The following TTPA variants were observed in gnomAD, a reference collection of about 807,000 sequenced individuals.
TTPA encodes alpha-tocopherol transfer protein.
Under a neutral mutation model 25.9 loss-of-function variants are expected in TTPA, and 23 were observed. The ratio of observed to expected loss-of-function variants is 0.89; its 90% CI spans 0.64 to 1.26. TTPA has a LOEUF of 1.26. Ranked by LOEUF, TTPA falls within the 50% of genes most tolerant of loss-of-function variation. The probability of loss-of-function intolerance (pLI) is 0.00; values close to 1 mark genes in which losing one functional copy is unlikely to be tolerated. For synonymous variants in TTPA, 148 were observed against 137.3 expected, an observed-to-expected ratio of 1.08 and a Z score of -0.54; for missense variants, 337 against 353.1, an observed-to-expected ratio of 0.95 and a Z score of 0.37.
In TTPA at chr8:63,059,666, T is replaced by C. The variant is rs550204637; in HGVS notation, c.*1586A>G. On this transcript the variant is annotated 3_prime_UTR_variant, in exon 5 of 5. Coordinates refer to ENST00000260116, the MANE Select transcript of TTPA (RefSeq NM_000370.3). ...TATAAAATACTAAGTATAAAACTTATGTCATAAATTGAGGGCTATGTTGAA... is the reference window on the plus strand; with the variant it reads ...TATAAAATACTAAGTATAAAACTTACGTCATAAATTGAGGGCTATGTTGAA... The C allele has an allele frequency of 7.4e-4, 113 of 152,282 alleles. No individual in the cohort carries two copies. Among genetic ancestry groups the C allele is most frequent in the African/African-American group, 2.5e-3 (106 of 41,572 alleles). The allele number at this position is 152,282 out of a possible 1,614,324, so 9.4% of individuals were successfully genotyped here.
chr8:63,080,719 C>CAAAA (rs764937720), intron 1 of TTPA, among the ~76,000 whole-genome samples: 10 of 69,864 alleles, frequency 1.4e-4, no homozygotes, highest in African/African-American at 4.5e-4. Flanking sequence ...GACTCCGTAT[C>CAAAA]AAAAAAAAAA....
intron 1 of TTPA, among the ~76,000 whole-genome samples, chr8:63,085,195 C>T (rs1166724710): frequency 1.3e-5 from 2 of 152,202 alleles, no homozygotes; most frequent in Non-Finnish European, 2.9e-5. Context: ...ATCCCTCTTT[C>T]TGATTCCTAT....
chr8:63,074,451 A>T (rs1281347801), intron 1 of TTPA, among the ~76,000 whole-genome samples: 1 of 152,158 alleles, frequency 6.6e-6, no homozygotes, highest in Non-Finnish European at 1.5e-5. Flanking sequence ...CTTAACTTTG[A>T]AAAAAGAGAG....
intron 1 of TTPA, among the ~76,000 whole-genome samples, chr8:63,075,908 T>C (rs1002771117): frequency 2.6e-5 from 4 of 152,064 alleles, no homozygotes; most frequent in Admixed American, 2.6e-4. Flanking sequence ...AATTATAGCA[T>C]AAAAAGCTTA....
At chr8:63,064,109 G>A in intron 4 of TTPA, 97 bp downstream of exon 4, 1 of 816,864 alleles carries the variant, frequency 1.2e-6, no homozygotes, top group Non-Finnish European at 2.0e-6. Flanking sequence ...TGATATAGAT[G>A]GGCAGGTACG....
Position 63,064,289 on chromosome 8 carries a change from T to C in TTPA, c.580A>G (p.Ile194Val). Residue 194 changes from isoleucine to valine, a missense_variant, in exon 4 of 5, where the codon ATC (isoleucine) becomes GTC (valine). Coordinates refer to ENST00000260116, the MANE Select transcript of TTPA (RefSeq NM_000370.3). ...ATTACTGGTTCATTTATCAAATGGA[T>C]GCCACGAACTTTCAATGGAAATGAA... is the stretch of plus-strand genomic sequence containing the variant. The part of the protein sequence containing the change: ...TDSFPLKVRG[I>V]HLINEPVIFH... 6.2e-7 allele frequency: 1 copy of C among 1,612,872 alleles called. No individual in the cohort carries two copies. Among genetic ancestry groups the C allele is most frequent in the South Asian group, 1.1e-5 (1 of 90,996 alleles).
chr8:63,078,498 C>T (rs925415825), intron 1 of TTPA, among the ~76,000 whole-genome samples: 6 of 152,064 alleles, frequency 3.9e-5, no homozygotes, highest in Admixed American at 6.5e-5. Flanking sequence ...CTTAAATGAC[C>T]GGATGGAACT....
chr8:63,077,351 C>T lies in TTPA; in HGVS notation c.205-4263G>A, dbSNP rs145213359. ...CCATGGAGGGTGGGCTGAAGCAAGG[C>T]GGGGCATTGCCTCACCCAGGAAGTG... On this transcript the variant is annotated intron_variant, in intron 1 of 4. Transcript: ENST00000260116. Among the ~76,000 whole-genome samples the T allele has an allele frequency of 2.7e-3, 407 of 152,258 alleles. 4 individuals are homozygous for T. Among genetic ancestry groups the T allele is most frequent in the African/African-American group, 8.5e-3 (354 of 41,550 alleles).
At position 63,074,318 on chromosome 8, in the gene TTPA, G is replaced by A. The variant is rs1805528973; in HGVS notation, c.205-1230C>T. ...CTGAAGAGAACCAGCACTGGTACAC[G>A]AGAGGGAGGACAGTGCCATCTGCAT... On this transcript the variant is annotated intron_variant, in intron 1 of 4. Coordinates refer to ENST00000260116, the MANE Select transcript of TTPA (RefSeq NM_000370.3). Among the ~76,000 whole-genome samples the A allele has an allele frequency of 1.3e-5, 2 of 152,238 alleles. 1 individual carries two copies. Among genetic ancestry groups the A allele is most frequent in the South Asian group, 4.1e-4 (2 of 4,822 alleles).
intron 2 of TTPA, among the ~76,000 whole-genome samples, chr8:63,067,349 T>A (rs1805409129): frequency 6.6e-6 from 1 of 151,400 alleles, no homozygotes; most frequent in African/African-American, 2.4e-5. Context: ...TGCAGCTGGA[T>A]CCAGGAGTTT....
intron 4 of TTPA, among the ~76,000 whole-genome samples, chr8:63,062,317 G>A (rs921619692): frequency 3.3e-5 from 5 of 152,088 alleles, no homozygotes; most frequent in African/African-American, 9.7e-5. Context: ...GAAGTTAAGA[G>A]AAAGCCGTAG....
chr8:63,061,108 T>C lies in TTPA; in HGVS notation c.*144A>G. ...AAAAAATCTTTCCAAACACCTGTGT[T>C]GCTCATGTCAGAAGATTTCTACATT... On this transcript the variant is annotated 3_prime_UTR_variant, in exon 5 of 5. Transcript: ENST00000260116. 1.2e-6 allele frequency: 1 copy of C among 842,370 alleles called. No homozygotes were observed. Among genetic ancestry groups the C allele is most frequent in the Non-Finnish European group, 1.9e-6 (1 of 528,828 alleles). The allele number at this position is 842,370 out of a possible 1,614,324, so 52.2% of individuals were successfully genotyped here. A position where few individuals can be genotyped will look rare whatever the true frequency, so the allele number is the denominator to read the frequency against.
At chr8:63,076,430 GA>G (rs913970712) in intron 1 of TTPA, among the ~76,000 whole-genome samples, 2 of 152,072 alleles carry the variant, frequency 1.3e-5, no homozygotes, top group South Asian at 4.2e-4. Flanking sequence ...AGAGGAAAAT[GA>G]AAAAAAGTTT....
In TTPA at chr8:63,061,221, A is replaced by T. The variant is rs1393785772; in HGVS notation, c.*31T>A. On this transcript the variant is annotated 3_prime_UTR_variant, in exon 5 of 5. Transcript: ENST00000260116. ...GGTTGGATATCACTCATGTATTTTT[A>T]GTTAGGAAGCCATTCACATGACATA... The T allele has an allele frequency of 3.1e-6, 5 of 1,606,134 alleles. No homozygotes were observed. Among genetic ancestry groups the T allele is most frequent in the Non-Finnish European group, 4.3e-6 (5 of 1,175,224 alleles).
chr8:63,065,265 A>G (rs1303375995), intron 3 of TTPA, among the ~76,000 whole-genome samples: 1 of 152,142 alleles, frequency 6.6e-6, no homozygotes. Context: ...CTACTGGCAA[A>G]CTGTGTGTGC....
intron 1 of TTPA, among the ~76,000 whole-genome samples, chr8:63,083,581 T>G (rs1428873405): frequency 6.6e-6 from 1 of 150,840 alleles, no homozygotes; most frequent in Non-Finnish European, 1.5e-5. Flanking sequence ...CACATGTATA[T>G]CTATGTATCA....
intron 4 of TTPA, among the ~76,000 whole-genome samples, chr8:63,062,352 C>T (rs1486602969): frequency 6.6e-6 from 1 of 152,070 alleles, no homozygotes; most frequent in African/African-American, 2.4e-5. Context: ...AGCATACCTG[C>T]TAAAATAAAT....
At chr8:63,072,573 T>G (rs1274135907) in intron 2 of TTPA, among the ~76,000 whole-genome samples, 1 of 152,210 alleles carries the variant, frequency 6.6e-6, no homozygotes, top group African/African-American at 2.4e-5. Flanking sequence ...ACTAAGCATT[T>G]TTGAAACACT....
rs199636231 is a variant in TTPA, at chr8:63,085,844, C to T, written c.178G>A (p.Asp60Asn). The T allele has an allele frequency of 7.3e-4, 1,125 of 1,536,736 alleles. 1 individual carries two copies. Among genetic ancestry groups the T allele is most frequent in the Non-Finnish European group, 9.2e-4 (1,051 of 1,145,584 alleles). ...CGCCAGGCCAGGTCCAGATCGAAATCCCGGGCGCGCAGGAACCGCAGCAGG... is the reference window on the plus strand; with the variant it reads ...CGCCAGGCCAGGTCCAGATCGAAATTCCGGGCGCGCAGGAACCGCAGCAGG... ...SFLLRFLRAR[D>N]FDLDLAWRLL... Residue 60 changes from aspartate to asparagine, a missense_variant, in exon 1 of 5, where the codon GAT (aspartate) becomes AAT (asparagine). Physicochemically the swap from Asp to Asn is conservative, Grantham distance 23. Coordinates refer to ENST00000260116, the MANE Select transcript of TTPA (RefSeq NM_000370.3).
Sources: allele counts gnomAD v4.1 joint callset (sites outside exome capture counted in the v4.1 genomes callset), GRCh38; gene constraint gnomAD v4.1.1; transcripts MANE v1.5; gene names NCBI Gene and HGNC (gene_info 2026-07-23, HGNC 2026-07-21).